The following SRRM4 variants were observed in gnomAD, a reference collection of about 807,000 sequenced individuals.
SRRM4 encodes the protein serine/arginine repetitive matrix protein 4.
In SRRM4, 33 loss-of-function variants were observed where a neutral mutation model predicts 68.9. That is an observed-to-expected ratio of 0.48 (90% CI 0.36 to 0.64). SRRM4 has a LOEUF of 0.64. SRRM4 is among the 30% of genes least tolerant of loss of function. The pLI is 0.00. For missense variants in SRRM4, 817 were observed against 827.1 expected, an observed-to-expected ratio of 0.99 and a Z score of 0.15; for synonymous variants, 318 against 318.8, an observed-to-expected ratio of 1.00 and a Z score of 0.03.
chr12:119,125,843 C>G (rs1385235351), intron 7 of SRRM4, among the ~76,000 whole-genome samples: 2 of 150,172 alleles, frequency 1.3e-5, no homozygotes, highest in Admixed American at 6.6e-5. Context: ...ATCGCTTGAA[C>G]CCAGGAGATG....
intron 1 of SRRM4, among the ~76,000 whole-genome samples, chr12:119,008,755 T>C (rs1303432320): frequency 6.6e-6 from 1 of 151,946 alleles, no homozygotes; most frequent in African/African-American, 2.4e-5. Flanking sequence ...GTGCTGTTTT[T>C]CCCCTCCCCC....
chr12:119,092,777 A>T (rs1954021640), intron 1 of SRRM4, among the ~76,000 whole-genome samples: 1 of 152,048 alleles, frequency 6.6e-6, no homozygotes, highest in Non-Finnish European at 1.5e-5. Flanking sequence ...AACCTAAGTC[A>T]GAACATATCT....
At chr12:118,982,213 G>A (rs904118696) in intron 1 of SRRM4, among the ~76,000 whole-genome samples, 200 bp downstream of exon 1, 2 of 152,176 alleles carry the variant, frequency 1.3e-5, no homozygotes, top group Admixed American at 6.5e-5. Context: ...GAATTCTTTG[G>A]GGGAAAGCAA....
chr12:119,159,589 G>A lies in SRRM4; in HGVS notation c.*2791G>A, dbSNP rs1040022121. 13 of 152,142 alleles carry A rather than the reference G, an allele frequency of 8.5e-5. No individual in the cohort carries two copies. The highest frequency in any genetic ancestry group is 3.1e-4 in the African/African-American group (13 of 41,412). The allele number at this position is 152,142 out of a possible 1,614,324, so 9.4% of individuals were successfully genotyped here. ...AAGGTGCTCACACCATGAGAATGGAGGCAGGAATTGAGCTGACTGAGGGAA... is the reference window on the plus strand; with the variant it reads ...AAGGTGCTCACACCATGAGAATGGAAGCAGGAATTGAGCTGACTGAGGGAA... On this transcript the variant is annotated 3_prime_UTR_variant, in exon 13 of 13. Transcript: ENST00000267260.
At chr12:119,002,236 A>G in intron 1 of SRRM4, among the ~76,000 whole-genome samples, 1 of 151,760 alleles carries the variant, frequency 6.6e-6, no homozygotes, top group African/African-American at 2.4e-5. Context: ...AAAAAAAAAA[A>G]TTTTTTTTCA....
intron 1 of SRRM4, among the ~76,000 whole-genome samples, chr12:119,050,219 C>T (rs762486226): frequency 3.3e-5 from 5 of 152,206 alleles, no homozygotes; most frequent in Non-Finnish European, 5.9e-5. Flanking sequence ...TGAGAAAGGA[C>T]AGCAAGGACA....
At chr12:119,085,157 CT>C (rs1953972298) in intron 1 of SRRM4, among the ~76,000 whole-genome samples, 2 of 152,320 alleles carry the variant, frequency 1.3e-5, no homozygotes, top group African/African-American at 4.8e-5. Flanking sequence ...CTGCCTTGGC[CT>C]CCCAAAGTGC....
intron 1 of SRRM4, among the ~76,000 whole-genome samples, chr12:119,029,736 G>A (rs952305162): frequency 6.6e-6 from 1 of 152,204 alleles, no homozygotes; most frequent in African/African-American, 2.4e-5. Flanking sequence ...GATAAAACAT[G>A]TTTTGATGGT....
At chr12:119,093,572 C>G (rs1954026938) in intron 1 of SRRM4, among the ~76,000 whole-genome samples, 2 of 152,188 alleles carry the variant, frequency 1.3e-5, no homozygotes, top group Admixed American at 1.3e-4. Flanking sequence ...CCGGAGAAAT[C>G]CTAACTGTGT....
chr12:119,044,045 T>G (rs1485226590), intron 1 of SRRM4, among the ~76,000 whole-genome samples: 1 of 152,174 alleles, frequency 6.6e-6, no homozygotes, highest in African/African-American at 2.4e-5. Context: ...TTTGTATTTT[T>G]TAGAAGCGAT....
intron 10 of SRRM4, among the ~76,000 whole-genome samples, chr12:119,151,930 C>G (rs1954442051): frequency 6.6e-6 from 1 of 152,218 alleles, no homozygotes; most frequent in Admixed American, 6.5e-5. Context: ...CAAGGGTATT[C>G]CTCTCAGTGA....
At chr12:119,110,978 G>A (rs1163026825) in intron 2 of SRRM4, among the ~76,000 whole-genome samples, 18 of 152,144 alleles carry the variant, frequency 1.2e-4, no homozygotes, top group Admixed American at 1.2e-3. Flanking sequence ...ATATTTAATT[G>A]ATGCATGTTT....
intron 1 of SRRM4, among the ~76,000 whole-genome samples, chr12:119,089,650 G>A (rs1170035770): frequency 6.6e-6 from 1 of 152,204 alleles, no homozygotes; most frequent in African/African-American, 2.4e-5. Context: ...GATGATTGGT[G>A]CTGGAGCTGC....
intron 2 of SRRM4, among the ~76,000 whole-genome samples, chr12:119,108,632 T>G (rs896682670): frequency 1.4e-5 from 2 of 147,706 alleles, no homozygotes; most frequent in Non-Finnish European, 3.0e-5. Context: ...AGACTAGGAT[T>G]GCAACCCCTG....
At chr12:119,041,102 T>C (rs1435809627) in intron 1 of SRRM4, among the ~76,000 whole-genome samples, 1 of 152,114 alleles carries the variant, frequency 6.6e-6, no homozygotes, top group Non-Finnish European at 1.5e-5. Context: ...TTAAGTTTCT[T>C]ACATATATAA....
At chr12:119,076,610 G>A (rs1279125999) in intron 1 of SRRM4, among the ~76,000 whole-genome samples, 1 of 152,342 alleles carries the variant, frequency 6.6e-6, no homozygotes, top group African/African-American at 2.4e-5. Flanking sequence ...AAGCGTTTGA[G>A]GAGAAAGAAG....
rs184272155 is a variant in SRRM4 at position 119,057,545 on chromosome 12, A to C, written c.132-44691A>C. On this transcript the variant is annotated intron_variant, in intron 1 of 12. Coordinates refer to ENST00000267260, the MANE Select transcript of SRRM4 (RefSeq NM_194286.4). ...TTATCTTGTTCCATTTTATGGCTAC[A>C]TAGTATTCCAGGGTGTATATATACC... is the stretch of plus-strand genomic sequence containing the variant. 3.1e-3 allele frequency among the ~76,000 whole-genome samples: 470 copies of C among 152,318 alleles called. 1 individual carries two copies. Among genetic ancestry groups the C allele is most frequent in the African/African-American group, 0.011 (447 of 41,554 alleles).
intron 2 of SRRM4, among the ~76,000 whole-genome samples, chr12:119,109,877 C>T (rs138521705): frequency 0.047 from 7,101 of 152,332 alleles, 212 homozygotes; most frequent in Non-Finnish European, 0.072. Flanking sequence ...CAAGGAGCTG[C>T]GTTCCTTTGG....
chr12:119,092,030 C>G (rs11609322), intron 1 of SRRM4, among the ~76,000 whole-genome samples: 16 of 152,262 alleles, frequency 1.1e-4, no homozygotes, highest in Non-Finnish European at 2.1e-4. Flanking sequence ...GATGAATAAA[C>G]GCACAAACAA....
Sources: gnomAD v4.1 joint callset for allele counts (sites outside exome capture counted in the v4.1 genomes callset) on GRCh38, gnomAD v4.1.1 for gene constraint, MANE v1.5 for transcripts, NCBI Gene and HGNC (gene_info 2026-07-23, HGNC 2026-07-21) for gene names.